The following PIP5K1C variants were observed in gnomAD, a reference collection of about 807,000 sequenced individuals.
The protein encoded by PIP5K1C is phosphatidylinositol-4-phosphate 5-kinase type 1 gamma.
In PIP5K1C, 45 loss-of-function variants were observed where a neutral mutation model predicts 80.1. The ratio of observed to expected loss-of-function variants is 0.56; its 90% confidence interval spans 0.44 to 0.72. The LOEUF (loss-of-function observed/expected upper bound fraction) is 0.72. Ranked by LOEUF, PIP5K1C falls within the 30% of genes least tolerant of loss-of-function variation. PIP5K1C has a pLI of 0.00. For synonymous variants in PIP5K1C, 498 were observed against 420.1 expected (o/e 1.19, Z -2.27); for missense variants, 753 against 954.6 (o/e 0.79, Z 2.78).
At chr19:3,693,960 C>G in intron 1 of PIP5K1C, among the ~76,000 whole-genome samples, 1 of 125,164 alleles carries the variant, frequency 8.0e-6, no homozygotes, top group East Asian at 3.0e-4. Flanking sequence ...CACCTGTAAT[C>G]CCAGCACTTT....
In PIP5K1C at chr19:3,648,345, A is replaced by G. The variant is rs73920198; in HGVS notation, c.1211+280T>C. ...CTCACTCTAGATTTTCAAGGCGACC[A>G]AACACCTTCCCTTTAGGGCTCAAGA... On this transcript the variant is annotated intron_variant, in intron 9 of 17. Transcript: ENST00000335312. The surrounding 1 kb of genome is among the most constrained non-coding windows in gnomAD (Gnocchi z 4.3). Among the ~76,000 whole-genome samples the G allele has an allele frequency of 0.033, 4,972 of 152,276 alleles. 156 individuals carry two copies. Among genetic ancestry groups the G allele is most frequent in the African/African-American group, 0.084 (3,506 of 41,542 alleles).
In PIP5K1C at chr19:3,688,834, C is replaced by T. The variant is rs1297857543; in HGVS notation, c.94+11463G>A. On this transcript the variant is annotated intron_variant, in intron 1 of 17. Coordinates refer to ENST00000335312, the MANE Select transcript of PIP5K1C (RefSeq NM_012398.3). This position sits in a 1 kb window ranked among gnomAD's most constrained non-coding sequence, Gnocchi z 5.3. ...CCCACACCCACGTCGCCATGGCCCC[C>T]CACCCCGTTTTTGAGCCCCCACACA... 6.6e-6 allele frequency among the ~76,000 whole-genome samples: 1 copy of T among 152,148 alleles called. No individual in the cohort carries two copies. The highest frequency in any genetic ancestry group is 1.5e-5 in the Non-Finnish European group (1 of 68,022).
At chr19:3,674,763 C>T (rs1013376652) in intron 1 of PIP5K1C, among the ~76,000 whole-genome samples, 4 of 152,218 alleles carry the variant, frequency 2.6e-5, no homozygotes, top group East Asian at 1.9e-4. Flanking sequence ...GGCCTCCCAG[C>T]GTGCTGCGAT....
In PIP5K1C at chr19:3,692,536, T is replaced by C. The variant is rs573072611; in HGVS notation, c.94+7761A>G. ...CTTCAAAAGGTCCTGCTGGCTCTGC[T>C]TCCAAAATCCATCCCAGATGGCGCA... On this transcript the variant is annotated intron_variant, in intron 1 of 17. Transcript: ENST00000335312. The surrounding 1 kb of genome is among the most constrained non-coding windows in gnomAD (Gnocchi z 5.2). 3.3e-5 allele frequency among the ~76,000 whole-genome samples: 5 copies of C among 152,204 alleles called. No individual in the cohort carries two copies. The South Asian group carries it at 1.0e-3, about 32-fold the overall frequency.
At chr19:3,678,284 G>A (rs541360582) in intron 1 of PIP5K1C, among the ~76,000 whole-genome samples, 1 of 129,040 alleles carries the variant, frequency 7.7e-6, no homozygotes, top group Non-Finnish European at 1.7e-5. Flanking sequence ...ATGGAGGGGT[G>A]GAGGGATGGA....
intron 4 of PIP5K1C, 124 bp downstream of exon 4, chr19:3,661,747 C>G (rs2034838325): frequency 3.4e-6 from 4 of 1,178,736 alleles, no homozygotes; most frequent in Admixed American, 1.8e-5. Flanking sequence ...GAGCTCAAGG[C>G]CAAGGAGGCG....
chr19:3,664,812 G>T lies in PIP5K1C; in HGVS notation c.219+10C>A. On this transcript the variant is annotated intron_variant, in intron 3 of 17. Coordinates refer to ENST00000335312, the MANE Select transcript of PIP5K1C (RefSeq NM_012398.3). Reference sequence around the variant, plus strand: ...CGCTCCCTCCAGCCAGCTAAGGGGAGCCGAGGAACCTTCTTGTAGGTGGTT... The same window carrying T: ...CGCTCCCTCCAGCCAGCTAAGGGGATCCGAGGAACCTTCTTGTAGGTGGTT... 9 of 1,609,512 alleles carry T rather than the reference G, an allele frequency of 5.6e-6. No homozygotes were observed. Among genetic ancestry groups the T allele is most frequent in the Non-Finnish European group, 7.6e-6 (9 of 1,176,676 alleles).
At position 3,641,715 on chromosome 19, in the gene PIP5K1C, C is replaced by G. The variant is rs1446191095; in HGVS notation, c.1777G>C (p.Glu593Gln). The change falls in exon 15 of 18, where the codon GAG becomes CAG. Residue 593 changes from glutamate to glutamine, a missense_variant. Transcript: ENST00000335312. ...CGAGGCCGTGCTCACCCTGCGTCCT[C>G]CTCTTTGGGGACCACAATCTCCACG... is the stretch of plus-strand genomic sequence containing the variant. ...CSVEIVVPKE[E>Q]DAGVEASPAG... The G allele has an allele frequency of 3.1e-6, 5 of 1,608,524 alleles. No individual in the cohort carries two copies. The highest frequency in any genetic ancestry group is 2.5e-6 in the Non-Finnish European group (3 of 1,179,878).
chr19:3,654,369 G>A (rs1436859751), intron 6 of PIP5K1C, among the ~76,000 whole-genome samples: 1 of 152,236 alleles, frequency 6.6e-6, no homozygotes, highest in Admixed American at 6.5e-5. Flanking sequence ...CTGCCCAGGT[G>A]TCGGGGCTGA....
rs531181124 is a variant in PIP5K1C at position 3,654,760 on chromosome 19, G to C, written c.622-1171C>G. 4.0e-5 allele frequency among the ~76,000 whole-genome samples: 6 copies of C among 151,274 alleles called. No individual in the cohort carries two copies. In the East Asian group the frequency reaches 5.8e-4, roughly 15 times the overall value. ...ACCTAGGAGATGGAGGTTGCAGTGAGCCGAGATTGTGCCATTGCATTCCAG... is the reference window on the plus strand; with the variant it reads ...ACCTAGGAGATGGAGGTTGCAGTGACCCGAGATTGTGCCATTGCATTCCAG... On this transcript the variant is annotated intron_variant, in intron 6 of 17. Transcript: ENST00000335312.
At chr19:3,699,102 C>T (rs1303198491) in intron 1 of PIP5K1C, among the ~76,000 whole-genome samples, 2 of 152,046 alleles carry the variant, frequency 1.3e-5, no homozygotes, top group African/African-American at 4.8e-5. Context: ...CTCTGACCAG[C>T]TGGGGTCAGA....
intron 9 of PIP5K1C, among the ~76,000 whole-genome samples, chr19:3,647,698 G>T (rs1032969863): frequency 6.6e-6 from 1 of 152,208 alleles, no homozygotes; most frequent in African/African-American, 2.4e-5. Context: ...TGTAATCCCA[G>T]CACTTTGGGA....
chr19:3,688,155 C>T lies in PIP5K1C; in HGVS notation c.94+12142G>A, dbSNP rs1015932642. Among the ~76,000 whole-genome samples the T allele has an allele frequency of 3.3e-5, 5 of 152,188 alleles. No individual in the cohort carries two copies. Among genetic ancestry groups the T allele is most frequent in the African/African-American group, 4.8e-5 (2 of 41,440 alleles). Reference sequence around the variant, plus strand: ...CTGAGGCTCCCGCAGCCAGGGTCTGCGCGTGGTCCCCACCTCCTTGCGCGC... The same window carrying T: ...CTGAGGCTCCCGCAGCCAGGGTCTGTGCGTGGTCCCCACCTCCTTGCGCGC... On this transcript the variant is annotated intron_variant, in intron 1 of 17. Coordinates refer to ENST00000335312, the MANE Select transcript of PIP5K1C (RefSeq NM_012398.3). This position sits in a 1 kb window ranked among gnomAD's most constrained non-coding sequence, Gnocchi z 5.3.
intron 13 of PIP5K1C, 88 bp downstream of exon 13, chr19:3,643,155 A>G: frequency 5.0e-6 from 8 of 1,589,372 alleles, no homozygotes; most frequent in Non-Finnish European, 6.9e-6. Flanking sequence ...CCACATGCAC[A>G]GCGGATGCCC....
intron 8 of PIP5K1C, among the ~76,000 whole-genome samples, chr19:3,651,590 G>A (rs1599962186): frequency 6.6e-6 from 1 of 152,200 alleles, no homozygotes; most frequent in East Asian, 1.9e-4. Context: ...ACGGGTGAAT[G>A]GGAAACGCCC....
In PIP5K1C at chr19:3,659,720, G is replaced by A. The variant is rs1018343805; in HGVS notation, c.468+1246C>T. On this transcript the variant is annotated intron_variant, in intron 5 of 17. Coordinates refer to ENST00000335312, the MANE Select transcript of PIP5K1C (RefSeq NM_012398.3). ...CTGAACAGGCTGGAGTTCTCGGGGC[G>A]GGGGAGGGGGGGGTGTCACACGTAC... is the stretch of plus-strand genomic sequence containing the variant. 8.5e-5 allele frequency among the ~76,000 whole-genome samples: 13 copies of A among 152,198 alleles called. No homozygotes were observed. The East Asian group carries it at 1.2e-3, about 14-fold the overall frequency.
intron 13 of PIP5K1C, 113 bp downstream of exon 13, chr19:3,643,130 C>A: frequency 6.5e-7 from 1 of 1,546,396 alleles, no homozygotes; most frequent in Non-Finnish European, 8.8e-7. Context: ...ATCCACCGTA[C>A]ATACGATGCT....
chr19:3,639,167 G>A, intron 15 of PIP5K1C, 151 bp from the exon 16 acceptor site: 2 of 893,832 alleles, frequency 2.2e-6, no homozygotes, highest in Non-Finnish European at 3.5e-6. Flanking sequence ...CTCCTGCGCT[G>A]CCATTTATCG....
chr19:3,688,386 G>A lies in PIP5K1C; in HGVS notation c.94+11911C>T, dbSNP rs1162387386. ...TCCTGTTCCTCACCTGCGAGGGGGGGACGGCCTCTGGCCCCCTGCTGTGGG... is the reference window on the plus strand; with the variant it reads ...TCCTGTTCCTCACCTGCGAGGGGGGAACGGCCTCTGGCCCCCTGCTGTGGG... On this transcript the variant is annotated intron_variant, in intron 1 of 17. Transcript: ENST00000335312. This position sits in a 1 kb window ranked among gnomAD's most constrained non-coding sequence, Gnocchi z 5.3. Among the ~76,000 whole-genome samples, 2 of 152,184 alleles carry A rather than the reference G, an allele frequency of 1.3e-5. No homozygotes were observed. The highest frequency in any genetic ancestry group is 2.9e-5 in the Non-Finnish European group (2 of 68,022).
Sources: gnomAD v4.1 joint callset for allele counts (sites outside exome capture counted in the v4.1 genomes callset) on GRCh38, gnomAD v4.1.1 for gene constraint, Gnocchi (gnomAD v3.1) non-coding constraint, MANE v1.5 for transcripts, NCBI Gene and HGNC (gene_info 2026-07-23, HGNC 2026-07-21) for gene names.